The following TBC1D4 variants were observed in gnomAD, a reference collection of about 807,000 sequenced individuals.
TBC1D4 encodes TBC1 domain family member 4.
TBC1D4 carries 121 observed loss-of-function variants against 142.5 expected under a neutral mutation model. The ratio of observed to expected loss-of-function variants is 0.85; its 90% confidence interval spans 0.73 to 0.99. The LOEUF (loss-of-function observed/expected upper bound fraction) is 0.99. Ranked by LOEUF, TBC1D4 falls within the 50% of genes least tolerant of loss-of-function variation. The pLI, the probability that TBC1D4 is intolerant of heterozygous loss-of-function variation, is 0.00. For missense variants in TBC1D4, 1,475 were observed against 1,606.6 expected (o/e 0.92, Z 1.40); for synonymous variants, 630 against 628.2 (o/e 1.00, Z -0.04).
At chr13:75,425,111 T>C (rs1886326311) in intron 1 of TBC1D4, among the ~76,000 whole-genome samples, 2 of 148,076 alleles carry the variant, frequency 1.4e-5, no homozygotes, top group African/African-American at 5.2e-5. Context: ...TGATAAGGGG[T>C]TAATATCCCA....
At chr13:75,327,886 T>C (rs1879412293) in intron 8 of TBC1D4, 60 bp from the exon 9 acceptor site, 5 of 1,547,656 alleles carry the variant, frequency 3.2e-6, no homozygotes, top group Admixed American at 3.3e-5. Flanking sequence ...TTCAAAACTA[T>C]AAAAGGTAGT....
chr13:75,450,454 T>A (rs1332767582), intron 1 of TBC1D4, among the ~76,000 whole-genome samples: 1 of 152,210 alleles, frequency 6.6e-6, no homozygotes. Context: ...ATCACACCCA[T>A]ACGGATACAT....
At chr13:75,410,012 T>C (rs1885550239) in intron 1 of TBC1D4, among the ~76,000 whole-genome samples, 1 of 152,358 alleles carries the variant, frequency 6.6e-6, no homozygotes, top group East Asian at 1.9e-4. Context: ...AATTTGTTTA[T>C]CTTAACCAAA....
Position 75,309,982 on chromosome 13 carries a change from G to A in TBC1D4, c.2553C>T (p.Ile851=), listed in dbSNP as rs1278235998. 6.2e-7 allele frequency: 1 copy of A among 1,614,114 alleles called. No individual in the cohort carries two copies. Among genetic ancestry groups the A allele is most frequent in the South Asian group, 1.1e-5 (1 of 91,076 alleles). Residue 851 remains isoleucine, a synonymous_variant, in exon 14 of 21, where the codon ATC becomes ATT. Transcript: ENST00000377636. ...SLWRKAIHQQ[I]LLLRMEKENQ... Reference sequence around the variant, plus strand: ...TTTCTTTTTCCATTCGAAGTAACAAGATTTGTTGGTGTATAGCTTTTCTCC... The same window carrying A: ...TTTCTTTTTCCATTCGAAGTAACAAAATTTGTTGGTGTATAGCTTTTCTCC...
At chr13:75,339,005 T>G (rs1295967714) in intron 7 of TBC1D4, among the ~76,000 whole-genome samples, 1 of 152,232 alleles carries the variant, frequency 6.6e-6, no homozygotes, top group African/African-American at 2.4e-5. Context: ...GGGCTCTAGC[T>G]TGGCCTCTCT....
At chr13:75,389,282 T>G (rs1248478199) in intron 1 of TBC1D4, among the ~76,000 whole-genome samples, 1 of 152,242 alleles carries the variant, frequency 6.6e-6, no homozygotes, top group Non-Finnish European at 1.5e-5. Context: ...ATGTTCATAT[T>G]AATGAGCTAA....
chr13:75,316,481 CA>C (rs1204275437), intron 12 of TBC1D4: 10 of 152,046 alleles, frequency 6.6e-5, no homozygotes, highest in Non-Finnish European at 1.0e-4. Flanking sequence ...CATAACAAAC[CA>C]TTGACCCTTT....
At chr13:75,340,959 CA>C (rs202039590) in intron 7 of TBC1D4, among the ~76,000 whole-genome samples, 165 bp downstream of exon 7, 43 of 149,676 alleles carry the variant, frequency 2.9e-4, no homozygotes, top group Admixed American at 2.5e-3. Flanking sequence ...AAACAAAAAA[CA>C]AAAAAACCTA....
intron 1 of TBC1D4, among the ~76,000 whole-genome samples, chr13:75,447,916 G>A (rs1221620462): frequency 6.6e-6 from 1 of 151,974 alleles, no homozygotes; most frequent in East Asian, 1.9e-4. Context: ...AAAAAAACCA[G>A]CTCAGGGTTC....
intron 15 of TBC1D4, among the ~76,000 whole-genome samples, chr13:75,303,801 AT>A (rs1202912433): frequency 3.3e-5 from 5 of 152,158 alleles, no homozygotes; most frequent in Non-Finnish European, 7.4e-5. Context: ...CCAGTCCCTG[AT>A]GTATACTAGA....
At chr13:75,426,483 C>T (rs948781982) in intron 1 of TBC1D4, among the ~76,000 whole-genome samples, 1 of 152,190 alleles carries the variant, frequency 6.6e-6, no homozygotes, top group Non-Finnish European at 1.5e-5. Context: ...ATTCTAGACA[C>T]ATCAGGATAA....
In TBC1D4 at chr13:75,294,986, G is replaced by T. The variant is rs749959491; in HGVS notation, c.3184C>A (p.Leu1062Ile). 2.2e-5 allele frequency: 36 copies of T among 1,613,704 alleles called. No individual in the cohort carries two copies. The highest frequency in any genetic ancestry group is 2.9e-5 in the Non-Finnish European group (34 of 1,179,828). ...TAGAGATCTCTGTGATAGTCATGAAGGAGCCTGGACAGCTGGTACATTTGA... is the reference window on the plus strand; with the variant it reads ...TAGAGATCTCTGTGATAGTCATGAATGAGCCTGGACAGCTGGTACATTTGA... ...QIQMYQLSRLLHDYHRDLYNH... is the reference protein window; with the variant it reads ...QIQMYQLSRLIHDYHRDLYNH... Residue 1062 changes from leucine to isoleucine, a missense_variant, in exon 18 of 21, where the codon CTT becomes ATT. Around this residue, in one of 2 missense-constraint regions of TBC1D4, gnomAD observed 248 missense variants for 338.9 expected, o/e 0.73. Coordinates refer to ENST00000377636, the MANE Select transcript of TBC1D4 (RefSeq NM_014832.5).
At chr13:75,445,946 G>A (rs1887266488) in intron 1 of TBC1D4, among the ~76,000 whole-genome samples, 1 of 152,172 alleles carries the variant, frequency 6.6e-6, no homozygotes, top group Admixed American at 6.6e-5. Context: ...TTTGATTTAT[G>A]TGCTGGTATT....
At chr13:75,330,350 T>C (rs1272622774) in intron 8 of TBC1D4, among the ~76,000 whole-genome samples, 1 of 152,220 alleles carries the variant, frequency 6.6e-6, no homozygotes, top group East Asian at 1.9e-4. Context: ...CTTATCTGCA[T>C]ATATTATAGC....
chr13:75,350,255 A>G (rs915483089), intron 4 of TBC1D4, among the ~76,000 whole-genome samples: 1 of 152,210 alleles, frequency 6.6e-6, no homozygotes, highest in African/African-American at 2.4e-5. Context: ...CTTGGTAAGC[A>G]CATTTTTATA....
At chr13:75,438,981 T>C (rs1449130593) in intron 1 of TBC1D4, among the ~76,000 whole-genome samples, 3 of 152,216 alleles carry the variant, frequency 2.0e-5, no homozygotes, top group African/African-American at 4.8e-5. Context: ...CCAAATATTT[T>C]GTACAGTATT....
intron 1 of TBC1D4, among the ~76,000 whole-genome samples, chr13:75,411,718 G>A (rs972836955): frequency 1.3e-5 from 2 of 149,826 alleles, no homozygotes; most frequent in Non-Finnish European, 3.0e-5. Context: ...TTTTCTTTTT[G>A]GTAGAGACAG....
intron 17 of TBC1D4, among the ~76,000 whole-genome samples, chr13:75,297,482 A>T (rs1455428416): frequency 2.0e-5 from 3 of 152,146 alleles, no homozygotes; most frequent in Non-Finnish European, 4.4e-5. Flanking sequence ...GACCAGGCAC[A>T]GTGGGTCACG....
Position 75,362,565 on chromosome 13 carries a change from C to T in TBC1D4, c.541G>A (p.Ala181Thr), listed in dbSNP as rs1473128903. Residue 181 changes from alanine (A) to threonine (T), a missense_variant, in exon 2 of 21, where the codon GCC (alanine) becomes ACC (threonine). Physicochemically the swap from Ala to Thr is moderately conservative, Grantham distance 58 (BLOSUM62 0). Coordinates refer to ENST00000377636, the MANE Select transcript of TBC1D4 (RefSeq NM_014832.5). The surrounding 1 kb of genome is among the most constrained non-coding windows in gnomAD (Gnocchi z 4.2). ...CTGGGTTTGGCATCCTCTTTCATGGCCGCTTTAGATAATTGCCTTATGCTG... is the reference window on the plus strand; with the variant it reads ...CTGGGTTTGGCATCCTCTTTCATGGTCGCTTTAGATAATTGCCTTATGCTG... ...ISSIRQLSKA[A>T]MKEDAKPSKD... 1.2e-6 allele frequency: 2 copies of T among 1,614,160 alleles called. No homozygotes were observed. The highest frequency in any genetic ancestry group is 1.7e-5 in the Admixed American group (1 of 60,020).
Sources: gnomAD v4.1 joint callset for allele counts (sites outside exome capture counted in the v4.1 genomes callset) on GRCh38, gnomAD v4.1.1 for gene constraint, gnomAD v4.1.1 regional missense constraint, Gnocchi (gnomAD v3.1) non-coding constraint, MANE v1.5 for transcripts, NCBI Gene and HGNC (gene_info 2026-07-23, HGNC 2026-07-21) for gene names.